The following HHAT variants were observed in gnomAD, a reference collection of about 807,000 sequenced individuals.
HHAT encodes hedgehog acyltransferase.
HHAT carries 47 observed loss-of-function variants against 70.8 expected under a neutral mutation model. The ratio of observed to expected loss-of-function variants is 0.66; its 90% CI spans 0.53 to 0.85. HHAT has a LOEUF of 0.85. Ranked by LOEUF, HHAT falls within the 40% of genes least tolerant of loss-of-function variation. The pLI is 0.00. For synonymous variants in HHAT, 228 were observed against 247.6 expected, an observed-to-expected ratio of 0.92 and a Z score of 0.74; for missense variants, 609 against 604.8, an observed-to-expected ratio of 1.01 and a Z score of -0.07.
chr1:210,535,992 TG>T (rs2095368312), intron 9 of HHAT, among the ~76,000 whole-genome samples: 1 of 152,152 alleles, frequency 6.6e-6, no homozygotes, highest in South Asian at 2.1e-4. Context: ...CAGCTGCTCC[TG>T]GGGAGATTAG....
intron 7 of HHAT, among the ~76,000 whole-genome samples, chr1:210,463,294 A>G (rs1291200993): frequency 1.3e-5 from 2 of 152,120 alleles, no homozygotes; most frequent in Non-Finnish European, 2.9e-5. Flanking sequence ...ATTGCCTTCA[A>G]AAGAAACCCC....
chr1:210,548,975 T>C (rs974549433), intron 9 of HHAT, among the ~76,000 whole-genome samples: 2 of 152,218 alleles, frequency 1.3e-5, no homozygotes, highest in Non-Finnish European at 2.9e-5. Context: ...AGGGCAGGGC[T>C]TCTCAGATGG....
At chr1:210,530,027 C>T (rs746653951) in intron 9 of HHAT, among the ~76,000 whole-genome samples, 5 of 152,092 alleles carry the variant, frequency 3.3e-5, no homozygotes, top group Non-Finnish European at 7.4e-5. Context: ...GAAGAGGGAC[C>T]ACGTGAGTCT....
At chr1:210,598,583 C>G (rs1307931669) in intron 10 of HHAT, among the ~76,000 whole-genome samples, 1 of 152,198 alleles carries the variant, frequency 6.6e-6, no homozygotes, top group Non-Finnish European at 1.5e-5. Flanking sequence ...CTGAGTTCTG[C>G]CCATCTTTCT....
Position 210,623,578 on chromosome 1 carries a change from C to G in HHAT, c.1298C>G (p.Ser433Cys), listed in dbSNP as rs1202168184. 2 of 1,613,932 alleles carry G rather than the reference C, an allele frequency of 1.2e-6. No individual in the cohort carries two copies. Among genetic ancestry groups the G allele is most frequent in the East Asian group, 4.5e-5 (2 of 44,874 alleles). ...CGTCGATTCCACGCTGCCCTTGCTT[C>G]TTGTTCCACCTCGATGCTGATCCTG... ...ARRRFHAALA[S>C]CSTSMLILSN... The change falls in exon 11 of 12, where the codon TCT (serine) becomes TGT (cysteine). Residue 433 changes from serine to cysteine, a missense_variant. Coordinates refer to ENST00000261458, the MANE Select transcript of HHAT (RefSeq NM_018194.6).
rs114955394 is a variant in HHAT, at chr1:210,547,550, G to A, written c.1043+34362G>A. Among the ~76,000 whole-genome samples the A allele has an allele frequency of 7.4e-3, 1,121 of 152,200 alleles. 11 individuals are homozygous for A. The highest frequency in any genetic ancestry group is 0.023 in the African/African-American group (947 of 41,516). Reference sequence around the variant, plus strand: ...ATGAGGGCATATTTATTTTATCTGCGTATTAAGGCAGGTCCCAAAGGGCCT... The same window carrying A: ...ATGAGGGCATATTTATTTTATCTGCATATTAAGGCAGGTCCCAAAGGGCCT... On this transcript the variant is annotated intron_variant, in intron 9 of 11. Coordinates refer to ENST00000261458, the MANE Select transcript of HHAT (RefSeq NM_018194.6).
At chr1:210,452,475 G>A (rs1303456825) in intron 7 of HHAT, among the ~76,000 whole-genome samples, 8 of 152,026 alleles carry the variant, frequency 5.3e-5, no homozygotes, top group Non-Finnish European at 1.0e-4. Flanking sequence ...ATCAACTCCT[G>A]GCCAGTTTTC....
intron 7 of HHAT, among the ~76,000 whole-genome samples, chr1:210,440,629 G>A (rs2093483997): frequency 1.3e-5 from 2 of 151,812 alleles, no homozygotes; most frequent in South Asian, 4.2e-4. Context: ...ATAGTGTTTT[G>A]TGGAATTGTC....
intron 1 of HHAT, among the ~76,000 whole-genome samples, chr1:210,335,437 G>A (rs138885750): frequency 0.014 from 2,181 of 152,030 alleles, 20 homozygotes; most frequent in Middle Eastern, 0.02. Context: ...TCAAAATCCC[G>A]GCAAATTTTT....
chr1:210,673,578 G>A (rs987744433), intron 11 of HHAT, among the ~76,000 whole-genome samples: 3 of 128,856 alleles, frequency 2.3e-5, no homozygotes, highest in Non-Finnish European at 3.1e-5. Flanking sequence ...TCCTCTAAAC[G>A]TGGATTCTTC....
In HHAT at chr1:210,674,350, G is replaced by A; in HGVS notation, c.1453G>A (p.Ala485Thr). The A allele has an allele frequency of 6.2e-7, 1 of 1,614,144 alleles. No homozygotes were observed. The highest frequency in any genetic ancestry group is 8.5e-7 in the Non-Finnish European group (1 of 1,180,016). The change falls in exon 12 of 12, where the codon GCC becomes ACC. Residue 485 changes from alanine (A) to threonine (T), a missense_variant. Coordinates refer to ENST00000261458, the MANE Select transcript of HHAT (RefSeq NM_018194.6). ...FLYCYSHVGI[A>T]WAQTYATD ...GTACTGCTACTCCCACGTGGGCATT[G>A]CCTGGGCCCAGACCTACGCCACGGA... is the stretch of plus-strand genomic sequence containing the variant.
At chr1:210,392,581 G>C (rs1022897429) in intron 4 of HHAT, among the ~76,000 whole-genome samples, 3 of 152,072 alleles carry the variant, frequency 2.0e-5, no homozygotes, top group African/African-American at 7.2e-5. Flanking sequence ...CTAAAACTTA[G>C]ATAAAATATA....
intron 8 of HHAT, among the ~76,000 whole-genome samples, chr1:210,509,705 T>A (rs2094922234): frequency 6.6e-6 from 1 of 152,220 alleles, no homozygotes; most frequent in East Asian, 1.9e-4. Flanking sequence ...ACTCTGTGTG[T>A]GCTGCACTGT....
At chr1:210,628,634 G>C (rs1253866553) in intron 11 of HHAT, among the ~76,000 whole-genome samples, 1 of 152,242 alleles carries the variant, frequency 6.6e-6, no homozygotes, top group Non-Finnish European at 1.5e-5. Context: ...ATTGCAATGA[G>C]AGAGGAGCTG....
At chr1:210,585,168 T>G (rs1260809093) in intron 9 of HHAT, among the ~76,000 whole-genome samples, 2 of 149,504 alleles carry the variant, frequency 1.3e-5, no homozygotes, top group African/African-American at 5.1e-5. Flanking sequence ...GATGCAGATT[T>G]GCATCTTTGT....
chr1:210,513,378 A>G (rs561507099), intron 9 of HHAT, among the ~76,000 whole-genome samples, 190 bp downstream of exon 9: 4 of 152,344 alleles, frequency 2.6e-5, no homozygotes, highest in African/African-American at 7.2e-5. Context: ...AAAGAAATCA[A>G]TGTTTAAAGA....
intron 7 of HHAT, among the ~76,000 whole-genome samples, chr1:210,459,464 G>A (rs138202899): frequency 4.8e-4 from 73 of 152,256 alleles, no homozygotes; most frequent in Middle Eastern, 3.4e-3. Context: ...AGGAACCTAC[G>A]GTCTTAAGCT....
chr1:210,364,020 A>AG (rs1244524385), intron 3 of HHAT, among the ~76,000 whole-genome samples: 2 of 152,182 alleles, frequency 1.3e-5, no homozygotes, highest in Non-Finnish European at 2.9e-5. Flanking sequence ...TTGATTTGCT[A>AG]GGGTAGCCTG....
intron 1 of HHAT, among the ~76,000 whole-genome samples, chr1:210,334,656 G>A (rs1343002058): frequency 6.6e-6 from 1 of 151,806 alleles, no homozygotes; most frequent in Non-Finnish European, 1.5e-5. Context: ...GTCATATAGT[G>A]TATACACCCT....
Sources: gnomAD v4.1 joint callset for allele counts (sites outside exome capture counted in the v4.1 genomes callset) on GRCh38, gnomAD v4.1.1 for gene constraint, MANE v1.5 for transcripts, NCBI Gene and HGNC (gene_info 2026-07-23, HGNC 2026-07-21) for gene names.